The following TBL1XR1 variants were observed in gnomAD, a reference collection of about 807,000 sequenced individuals.
TBL1XR1 encodes F-box-like/WD repeat-containing protein TBL1XR1.
In TBL1XR1, 5 loss-of-function variants were observed where a neutral mutation model predicts 66.9. That is an observed-to-expected ratio of 0.07 (90% CI 0.04 to 0.16). The LOEUF (loss-of-function observed/expected upper bound fraction) is 0.16. Ranked by LOEUF, TBL1XR1 falls within the 10% of genes least tolerant of loss-of-function variation. TBL1XR1 has a pLI of 1.00. For synonymous variants in TBL1XR1, 210 were observed against 206.0 expected (o/e 1.02, Z -0.17); for missense variants, 238 against 623.2 (o/e 0.38, Z 6.58).
At chr3:177,059,568 A>G (rs1372453892) in intron 3 of TBL1XR1, among the ~76,000 whole-genome samples, 1 of 152,200 alleles carries the variant, frequency 6.6e-6, no homozygotes, top group Non-Finnish European at 1.5e-5. Flanking sequence ...CTGTATTTCT[A>G]AGGAGATGGA....
At position 177,146,589 on chromosome 3, in the gene TBL1XR1, CAAAAA is replaced by C. The variant is rs78065426; in HGVS notation, c.-121-48053_-121-48049del. 5.2e-4 allele frequency among the ~76,000 whole-genome samples: 27 copies of C among 51,958 alleles called. 1 individual carries two copies. The highest frequency in any genetic ancestry group is 1.6e-3 in the Admixed American group (6 of 3,798). The allele number at this position is 51,958 out of a possible 152,430, so 34.1% of individuals were successfully genotyped here. On this transcript the variant is annotated intron_variant, in intron 1 of 15. Coordinates refer to ENST00000457928, the MANE Select transcript of TBL1XR1 (RefSeq NM_024665.7). ...TGGGCAGCTGAGCGAGACTCCATCT[CAAAAA>C]AAAAAAAAAAAAAGTTGTATTCACT... is the stretch of plus-strand genomic sequence containing the variant.
At chr3:177,119,729 T>C (rs762960200) in intron 1 of TBL1XR1, among the ~76,000 whole-genome samples, 1 of 152,320 alleles carries the variant, frequency 6.6e-6, no homozygotes, top group East Asian at 1.9e-4. Context: ...CATGATCAAC[T>C]GGCATACTTG....
intron 1 of TBL1XR1, among the ~76,000 whole-genome samples, chr3:177,151,986 C>T (rs1459382799): frequency 1.3e-5 from 2 of 152,106 alleles, no homozygotes; most frequent in African/African-American, 2.4e-5. Context: ...ATAGCGCCAT[C>T]GCACTCCAGC....
chr3:177,040,667 G>A (rs1715462269), intron 10 of TBL1XR1, among the ~76,000 whole-genome samples: 1 of 151,860 alleles, frequency 6.6e-6, no homozygotes, highest in African/African-American at 2.4e-5. Context: ...AAGTACAACA[G>A]GAAAGAGTGA....
Position 177,174,987 on chromosome 3 carries a change from C to A in TBL1XR1, c.-122+22134G>T, listed in dbSNP as rs576721760. Among the ~76,000 whole-genome samples the A allele has an allele frequency of 3.9e-5, 6 of 152,290 alleles. No individual in the cohort carries two copies. In the South Asian group the frequency reaches 1.2e-3, roughly 32 times the overall value. ...ATCATTTACCAACTTAAAAACTGTA[C>A]GCTAGACATAAACAAAACTGTTTGC... On this transcript the variant is annotated intron_variant, in intron 1 of 15. Coordinates refer to ENST00000457928, the MANE Select transcript of TBL1XR1 (RefSeq NM_024665.7).
intron 1 of TBL1XR1, among the ~76,000 whole-genome samples, chr3:177,184,104 T>C (rs138880598): frequency 6.6e-6 from 1 of 152,104 alleles, no homozygotes; most frequent in Non-Finnish European, 1.5e-5. Flanking sequence ...CCAGTTGAAG[T>C]TGAAAATGAG....
intron 1 of TBL1XR1, among the ~76,000 whole-genome samples, chr3:177,112,088 TATATATATATA>T (rs1725656692): frequency 2.7e-4 from 14 of 51,362 alleles, no homozygotes; most frequent in African/African-American, 4.3e-4. Context: ...TATATATATA[TATATATATATA>T]TATATATATT....
chr3:177,134,804 A>C (rs1728703731), intron 1 of TBL1XR1, among the ~76,000 whole-genome samples: 1 of 152,160 alleles, frequency 6.6e-6, no homozygotes, highest in Non-Finnish European at 1.5e-5. Context: ...TCTAGTAATA[A>C]CATGTTGTCT....
chr3:177,191,874 C>T (rs936369127), intron 1 of TBL1XR1, among the ~76,000 whole-genome samples: 2 of 151,802 alleles, frequency 1.3e-5, no homozygotes, highest in Non-Finnish European at 2.9e-5. Context: ...GAGGCCGAGA[C>T]GGGCGGTCAG....
chr3:177,196,916 AACGGGGGG>A (rs1220902306), intron 1 of TBL1XR1, among the ~76,000 whole-genome samples, 197 bp downstream of exon 1: 2 of 151,492 alleles, frequency 1.3e-5, no homozygotes, highest in Non-Finnish European at 2.9e-5. Flanking sequence ...GAGAGAGGAA[AACGGGGGG>A]ATGGGGGCGC....
At chr3:177,191,392 G>C (rs1736122094) in intron 1 of TBL1XR1, among the ~76,000 whole-genome samples, 2 of 152,166 alleles carry the variant, frequency 1.3e-5, no homozygotes, top group Non-Finnish European at 2.9e-5. Flanking sequence ...AGACTGCTAG[G>C]TAACAACACT....
At chr3:177,094,111 G>A (rs1251153250) in intron 2 of TBL1XR1, among the ~76,000 whole-genome samples, 1 of 151,750 alleles carries the variant, frequency 6.6e-6, no homozygotes, top group Non-Finnish European at 1.5e-5. Context: ...AATCTACAAG[G>A]AACTCAAACA....
At chr3:177,119,457 A>G (rs1009324023) in intron 1 of TBL1XR1, among the ~76,000 whole-genome samples, 14 of 152,124 alleles carry the variant, frequency 9.2e-5, no homozygotes, top group African/African-American at 3.1e-4. Flanking sequence ...TTTTGTTTAG[A>G]TAAGTAAATA....
chr3:177,045,453 C>T (rs953825429), intron 10 of TBL1XR1, among the ~76,000 whole-genome samples: 1 of 152,068 alleles, frequency 6.6e-6, no homozygotes, highest in Non-Finnish European at 1.5e-5. Context: ...TCTACTCAAG[C>T]TGAATGTCTG....
intron 1 of TBL1XR1, among the ~76,000 whole-genome samples, chr3:177,170,092 CA>C (rs1733284400): frequency 6.6e-6 from 1 of 152,074 alleles, no homozygotes; most frequent in Admixed American, 6.6e-5. Flanking sequence ...TTAAGACTTT[CA>C]CTTCTCACCT....
rs550562150 is a variant in TBL1XR1, at chr3:177,172,356, A to G, written c.-122+24765T>C. Among the ~76,000 whole-genome samples the G allele has an allele frequency of 3.3e-5, 5 of 152,190 alleles. No homozygotes were observed. In the East Asian group the frequency reaches 7.7e-4, roughly 24 times the overall value. Reference sequence around the variant, plus strand: ...CATAAGTCATGGAATGAGTGAATAAATAAGTAAATATACAGGAGAAAAGGA... The same window carrying G: ...CATAAGTCATGGAATGAGTGAATAAGTAAGTAAATATACAGGAGAAAAGGA... On this transcript the variant is annotated intron_variant, in intron 1 of 15. Coordinates refer to ENST00000457928, the MANE Select transcript of TBL1XR1 (RefSeq NM_024665.7).
chr3:177,117,171 C>A (rs996448935), intron 1 of TBL1XR1, among the ~76,000 whole-genome samples: 2 of 152,164 alleles, frequency 1.3e-5, no homozygotes, highest in African/African-American at 4.8e-5. Context: ...ACTAACATCA[C>A]AACCAATAAT....
intron 10 of TBL1XR1, among the ~76,000 whole-genome samples, chr3:177,042,446 A>T (rs1225834642): frequency 1.3e-5 from 2 of 152,172 alleles, no homozygotes; most frequent in Non-Finnish European, 2.9e-5. Context: ...AGAAAAACAA[A>T]ACCAAACTAC....
At chr3:177,179,117 C>CA (rs71178099) in intron 1 of TBL1XR1, among the ~76,000 whole-genome samples, 3,913 of 106,684 alleles carry the variant, frequency 0.037, 189 homozygotes, top group African/African-American at 0.091. Context: ...AACTACGTCT[C>CA]AAAAAAAAAA....
Sources: gnomAD v4.1 joint callset for allele counts (sites outside exome capture counted in the v4.1 genomes callset) on GRCh38, gnomAD v4.1.1 for gene constraint, MANE v1.5 for transcripts, NCBI Gene and HGNC (gene_info 2026-07-23, HGNC 2026-07-21) for gene names.